NKAIN3: variants seen among roughly 807,000 people sequenced by gnomAD.
NKAIN3 encodes sodium/potassium-transporting ATPase subunit beta-1-interacting protein 3.
Under a neutral mutation model 30.2 loss-of-function variants are expected in NKAIN3, and 25 were observed. That is an observed-to-expected ratio of 0.83 (90% CI 0.60 to 1.16). The LOEUF (loss-of-function observed/expected upper bound fraction) is 1.16, where lower values mean the gene tolerates loss of function less well. Ranked by LOEUF, NKAIN3 falls within the 50% of genes most tolerant of loss-of-function variation. The pLI, the probability that NKAIN3 is intolerant of heterozygous loss-of-function variation, is 0.00. For missense variants in NKAIN3, 225 were observed against 254.1 expected, an observed-to-expected ratio of 0.89 and a Z score of 0.78; for synonymous variants, 91 against 89.6, an observed-to-expected ratio of 1.02 and a Z score of -0.09.
intron 4 of NKAIN3, among the ~76,000 whole-genome samples, chr8:62,837,179 C>T (rs947380034): frequency 1.3e-5 from 2 of 152,078 alleles, no homozygotes; most frequent in Non-Finnish European, 2.9e-5. Context: ...ATGTTTTCTT[C>T]TTTCTGTCTT....
At chr8:62,743,492 A>T (rs1047115853) in intron 3 of NKAIN3, among the ~76,000 whole-genome samples, 3 of 152,234 alleles carry the variant, frequency 2.0e-5, no homozygotes, top group Non-Finnish European at 4.4e-5. Context: ...TTTACATGTC[A>T]TGGGAGACTT....
At chr8:62,316,577 C>A (rs1563930496) in intron 1 of NKAIN3, among the ~76,000 whole-genome samples, 1 of 152,114 alleles carries the variant, frequency 6.6e-6, no homozygotes, top group Non-Finnish European at 1.5e-5. Flanking sequence ...TGGTTTCCAG[C>A]TTCATCCCTA....
chr8:62,730,841 G>A, intron 3 of NKAIN3, among the ~76,000 whole-genome samples: 1 of 152,118 alleles, frequency 6.6e-6, no homozygotes, highest in South Asian at 2.1e-4. Flanking sequence ...TTTAATAGCT[G>A]TTTTAACTAT....
chr8:62,768,510 A>G (rs1283264810), intron 4 of NKAIN3, among the ~76,000 whole-genome samples: 2 of 152,184 alleles, frequency 1.3e-5, no homozygotes, highest in African/African-American at 4.8e-5. Context: ...AAAAGTCTAA[A>G]TGAGAGAGGT....
intron 3 of NKAIN3, among the ~76,000 whole-genome samples, chr8:62,732,932 T>A (rs1815526009): frequency 6.6e-6 from 1 of 152,098 alleles, no homozygotes; most frequent in Non-Finnish European, 1.5e-5. Flanking sequence ...AATAAATATT[T>A]ATTGAGATTA....
rs1399199719 is a variant in NKAIN3 at position 62,589,756 on chromosome 8, A to T, written c.235A>T (p.Ile79Phe). The change falls in exon 3 of 7, where the codon ATT (isoleucine) becomes TTT (phenylalanine). Residue 79 changes from isoleucine (I) to phenylalanine (F), a missense_variant. By Grantham distance (21) the Ile-to-Phe change is conservative. Coordinates refer to ENST00000623646, the MANE Select transcript of NKAIN3 (RefSeq NM_001304533.3). ...CCTCTGGGTCACCTGGAATGTGTTC[A>T]TTATCTGCTTTTATTTGGAAGTAGG... is the stretch of plus-strand genomic sequence containing the variant. The part of the protein sequence containing the change: ...TALWVTWNVF[I>F]ICFYLEVGGL... The T allele has an allele frequency of 6.2e-7, 1 of 1,605,622 alleles. No individual in the cohort carries two copies. Among genetic ancestry groups the T allele is most frequent in the Non-Finnish European group, 8.5e-7 (1 of 1,174,612 alleles).
At chr8:62,742,152 TACTC>T (rs1815923726) in intron 3 of NKAIN3, among the ~76,000 whole-genome samples, 1 of 151,812 alleles carries the variant, frequency 6.6e-6, no homozygotes, top group Non-Finnish European at 1.5e-5. Context: ...ATATAGGTGA[TACTC>T]AGGACTAAAA....
intron 3 of NKAIN3, among the ~76,000 whole-genome samples, chr8:62,684,786 C>T (rs73264876): frequency 0.012 from 1,859 of 152,124 alleles, 27 homozygotes; most frequent in African/African-American, 0.042. Flanking sequence ...GATTGATGCC[C>T]TTATGAGAAA....
intron 4 of NKAIN3, among the ~76,000 whole-genome samples, chr8:62,843,277 T>C (rs1247257505): frequency 2.0e-5 from 3 of 151,716 alleles, no homozygotes; most frequent in Admixed American, 6.6e-5. Context: ...AGAAAAACAG[T>C]TCCCTGCTAA....
chr8:62,300,062 C>T (rs750160881), intron 1 of NKAIN3, among the ~76,000 whole-genome samples: 3 of 152,018 alleles, frequency 2.0e-5, no homozygotes, highest in African/African-American at 4.8e-5. Context: ...AGGATTTTCA[C>T]GTCCTATAGT....
At chr8:62,625,213 A>C (rs1220727230) in intron 3 of NKAIN3, among the ~76,000 whole-genome samples, 2 of 152,142 alleles carry the variant, frequency 1.3e-5, no homozygotes, top group Non-Finnish European at 2.9e-5. Context: ...GCCTTTAGTA[A>C]TGTAGTGGTA....
chr8:62,734,603 T>C (rs547122849), intron 3 of NKAIN3, among the ~76,000 whole-genome samples: 32 of 152,320 alleles, frequency 2.1e-4, no homozygotes. Flanking sequence ...TTTTACCTTT[T>C]CCTAAAATCT....
chr8:62,575,936 CAT>C (rs1402515729), intron 1 of NKAIN3, among the ~76,000 whole-genome samples: 2 of 152,064 alleles, frequency 1.3e-5, no homozygotes, highest in Non-Finnish European at 2.9e-5. Context: ...AAACTGGACT[CAT>C]ATCTCTTGCC....
At chr8:62,617,709 G>T (rs1811501279) in intron 3 of NKAIN3, among the ~76,000 whole-genome samples, 1 of 152,148 alleles carries the variant, frequency 6.6e-6, no homozygotes, top group Admixed American at 6.5e-5. Context: ...ATCCTGAGCT[G>T]CTCACTCCAA....
intron 1 of NKAIN3, among the ~76,000 whole-genome samples, chr8:62,453,148 T>A (rs998956971): frequency 6.6e-6 from 1 of 152,210 alleles, no homozygotes; most frequent in African/African-American, 2.4e-5. Flanking sequence ...AAGATGTATA[T>A]AAACCTTTAG....
Position 62,965,620 on chromosome 8 carries a change from TAAAAAAAA to T in NKAIN3, c.*222_*229del, listed in dbSNP as rs35150872. On this transcript the variant is annotated 3_prime_UTR_variant, in exon 7 of 7. Transcript: ENST00000623646. ...TTCTTATATGAACACTTGTAAGTTG[TAAAAAAAA>T]AAAAAAAAGAAAAAACAGAATTTGG... is the stretch of plus-strand genomic sequence containing the variant. 1.6e-5 allele frequency: 14 copies of T among 886,500 alleles called. No homozygotes were observed. The highest frequency in any genetic ancestry group is 2.0e-5 in the African/African-American group (1 of 50,428). The allele number at this position is 886,500 out of a possible 1,614,324, so 54.9% of individuals were successfully genotyped here. A position where few individuals can be genotyped will look rare whatever the true frequency, so the allele number is the denominator to read the frequency against.
At chr8:62,510,765 A>T (rs932951466) in intron 1 of NKAIN3, among the ~76,000 whole-genome samples, 1 of 152,080 alleles carries the variant, frequency 6.6e-6, no homozygotes, top group Non-Finnish European at 1.5e-5. Flanking sequence ...ACAAAGTGGG[A>T]TCATATTATG....
chr8:62,804,133 C>A (rs1818182699), intron 4 of NKAIN3, among the ~76,000 whole-genome samples: 1 of 152,126 alleles, frequency 6.6e-6, no homozygotes. Context: ...AGCTTACCAA[C>A]CAAAAAGAGT....
chr8:62,759,337 T>C (rs953666157), intron 4 of NKAIN3, among the ~76,000 whole-genome samples: 2 of 152,150 alleles, frequency 1.3e-5, no homozygotes, highest in Non-Finnish European at 2.9e-5. Context: ...AATTCAATGA[T>C]TTGTAATGGT....
Sources: gnomAD v4.1 joint callset for allele counts (sites outside exome capture counted in the v4.1 genomes callset) on GRCh38, gnomAD v4.1.1 for gene constraint, MANE v1.5 for transcripts, NCBI Gene and HGNC (gene_info 2026-07-23, HGNC 2026-07-21) for gene names.